Variants in SEPTIN11 observed in about 807,000 individuals in gnomAD.
The protein encoded by SEPTIN11 is septin-11.
Under a neutral mutation model 51.4 loss-of-function variants are expected in SEPTIN11, and 25 were observed. The observed-to-expected ratio is 0.49, with a 90% CI of 0.35 to 0.68. The LOEUF is 0.68. Ranked by LOEUF, SEPTIN11 falls within the 30% of genes least tolerant of loss-of-function variation. The pLI is 0.00. For synonymous variants in SEPTIN11, 174 were observed against 184.1 expected, an observed-to-expected ratio of 0.95 and a Z score of 0.44; for missense variants, 381 against 520.8, an observed-to-expected ratio of 0.73 and a Z score of 2.61.
chr4:77,033,142 A>C (rs1726783005), intron 9 of SEPTIN11, among the ~76,000 whole-genome samples: 1 of 150,504 alleles, frequency 6.6e-6, no homozygotes, highest in South Asian at 2.1e-4. Context: ...CTGCCAGTGG[A>C]GGCCTGAAAT....
At position 77,038,291 on chromosome 4, in the gene SEPTIN11, C is replaced by T. The variant is rs751697853; in HGVS notation, c.*3779C>T. On this transcript the variant is annotated 3_prime_UTR_variant, in exon 10 of 10. Transcript: ENST00000264893. ...TTAATTTTAAAATATGCTGATATGC[C>T]TTAAACTGTAGTTGTAGATCCTTGT... is the stretch of plus-strand genomic sequence containing the variant. 4.6e-5 allele frequency: 45 copies of T among 985,396 alleles called. No individual in the cohort carries two copies. The highest frequency in any genetic ancestry group is 5.2e-5 in the Non-Finnish European group (43 of 829,634). 61.0% of individuals were successfully genotyped at this position (985,396 alleles called of 1,614,324 possible).
At chr4:76,959,694 T>A (rs58596754) in intron 1 of SEPTIN11, among the ~76,000 whole-genome samples, 33,269 of 151,772 alleles carry the variant, frequency 0.22, 3,754 homozygotes, top group East Asian at 0.34. Context: ...AAAACTCTTT[T>A]GAAAAAAAAT....
chr4:76,978,279 G>A (rs1050072758), intron 1 of SEPTIN11, among the ~76,000 whole-genome samples: 8 of 152,006 alleles, frequency 5.3e-5, no homozygotes, highest in Non-Finnish European at 7.4e-5. Context: ...CCCACTTCCC[G>A]TAGCTCCCAC....
At position 77,036,702 on chromosome 4, in the gene SEPTIN11, C is replaced by T; in HGVS notation, c.*2190C>T. On this transcript the variant is annotated 3_prime_UTR_variant, in exon 10 of 10. Coordinates refer to ENST00000264893, the MANE Select transcript of SEPTIN11 (RefSeq NM_018243.4). ...CTGAACTTTTTTCTGCCACTGCTCC[C>T]TAGCCCTGTTTAGTTTGTTATTGCT... 1 of 1,535,250 alleles carries T rather than the reference C, an allele frequency of 6.5e-7. No individual in the cohort carries two copies. The highest frequency in any genetic ancestry group is 8.7e-7 in the Non-Finnish European group (1 of 1,146,630).
chr4:76,992,522 G>T (rs959440344), intron 1 of SEPTIN11, among the ~76,000 whole-genome samples: 28 of 152,236 alleles, frequency 1.8e-4, no homozygotes, highest in African/African-American at 6.7e-4. Context: ...TTACTAAACG[G>T]TGCCTCTGTT....
chr4:77,008,044 A>G (rs544939560), intron 3 of SEPTIN11, among the ~76,000 whole-genome samples: 1 of 152,318 alleles, frequency 6.6e-6, no homozygotes, highest in South Asian at 2.1e-4. Flanking sequence ...TGGACATGTC[A>G]ACATTCCTGT....
At chr4:77,012,832 C>A (rs181640708) in intron 4 of SEPTIN11, among the ~76,000 whole-genome samples, 1 of 152,342 alleles carries the variant, frequency 6.6e-6, no homozygotes, top group African/African-American at 2.4e-5. Context: ...CCTTTGGCTT[C>A]CAGCAGGCAC....
chr4:77,013,248 T>C (rs1725000086), intron 4 of SEPTIN11, among the ~76,000 whole-genome samples: 1 of 152,162 alleles, frequency 6.6e-6, no homozygotes, highest in Non-Finnish European at 1.5e-5. Flanking sequence ...CAGTCAACCA[T>C]AAAGCAGGTT....
chr4:77,007,816 C>G (rs1199074669), intron 3 of SEPTIN11, among the ~76,000 whole-genome samples: 1 of 152,184 alleles, frequency 6.6e-6, no homozygotes, highest in Non-Finnish European at 1.5e-5. Context: ...GACTGTAAAG[C>G]CAAATTACTT....
At chr4:77,010,166 A>G (rs1205126428) in intron 3 of SEPTIN11, among the ~76,000 whole-genome samples, 1 of 152,050 alleles carries the variant, frequency 6.6e-6, no homozygotes, top group African/African-American at 2.4e-5. Flanking sequence ...TAGAACTACT[A>G]TTTTTGTCTC....
Position 77,036,126 on chromosome 4 carries a change from A to T in SEPTIN11, c.*1614A>T. 9.1e-6 allele frequency: 9 copies of T among 986,852 alleles called. No individual in the cohort carries two copies. Among genetic ancestry groups the T allele is most frequent in the Non-Finnish European group, 1.1e-5 (9 of 830,696 alleles). The allele number at this position is 986,852 out of a possible 1,614,324, so 61.1% of individuals were successfully genotyped here. On this transcript the variant is annotated 3_prime_UTR_variant, in exon 10 of 10. Coordinates refer to ENST00000264893, the MANE Select transcript of SEPTIN11 (RefSeq NM_018243.4). ...TAGAGGAAAGAAGGAATGGTCTTCC[A>T]TGAACTGATTATGCTTAATTAAGCA...
chr4:76,983,035 A>G (rs997123245), intron 1 of SEPTIN11, among the ~76,000 whole-genome samples: 35 of 152,122 alleles, frequency 2.3e-4, no homozygotes, highest in African/African-American at 7.5e-4. Context: ...GGATGTTGAA[A>G]TAATGTATAC....
chr4:77,001,000 A>T (rs988818273), intron 2 of SEPTIN11, among the ~76,000 whole-genome samples: 1 of 152,196 alleles, frequency 6.6e-6, no homozygotes, highest in African/African-American at 2.4e-5. Flanking sequence ...TGAATCACAG[A>T]TCAACAATTT....
intron 9 of SEPTIN11, among the ~76,000 whole-genome samples, chr4:77,032,576 GTGTT>G (rs1213328155): frequency 6.6e-6 from 1 of 152,136 alleles, no homozygotes; most frequent in Admixed American, 6.5e-5. Flanking sequence ...CTGTGTGTGT[GTGTT>G]TGTGTGTGTG....
chr4:76,969,340 C>T (rs1223685767), intron 1 of SEPTIN11, among the ~76,000 whole-genome samples: 5 of 152,138 alleles, frequency 3.3e-5, no homozygotes. Flanking sequence ...CTTTAGACCT[C>T]TTCTTCTGCT....
chr4:76,950,114 G>T lies in SEPTIN11; in HGVS notation c.27+184G>T, dbSNP rs1721261223. ...TCGGGGTTAGGAGCCCAGGGGCTCA[G>T]TTACGTGATGCAACAGTGGATCGCC... is the stretch of plus-strand genomic sequence containing the variant. On this transcript the variant is annotated intron_variant, in intron 1 of 9. Transcript: ENST00000264893. Among the ~76,000 whole-genome samples the T allele has an allele frequency of 2.0e-5, 3 of 152,204 alleles. No individual in the cohort carries two copies. The South Asian group carries it at 6.2e-4, about 31-fold the overall frequency.
intron 9 of SEPTIN11, 69 bp from the exon 10 acceptor site, chr4:77,034,427 GC>G: frequency 7.7e-7 from 1 of 1,305,316 alleles, no homozygotes; most frequent in Non-Finnish European, 1.0e-6. Context: ...TGGTGCTGTC[GC>G]TCCTAATTTT....
intron 1 of SEPTIN11, among the ~76,000 whole-genome samples, chr4:76,956,962 A>ATGTGTG (rs202035045): frequency 0.068 from 8,061 of 119,018 alleles, 375 homozygotes; most frequent in East Asian, 0.12. Context: ...TAGTAGAATG[A>ATGTGTG]TGTGTGTGTG....
intron 1 of SEPTIN11, among the ~76,000 whole-genome samples, chr4:76,989,696 AACTGCACTTTT>A (rs1723249047): frequency 6.6e-6 from 1 of 152,232 alleles, no homozygotes; most frequent in Non-Finnish European, 1.5e-5. Context: ...AAGATTATAA[AACTGCACTTTT>A]ACTGTACCAT....
Sources: allele counts gnomAD v4.1 joint callset (sites outside exome capture counted in the v4.1 genomes callset), GRCh38; gene constraint gnomAD v4.1.1; transcripts MANE v1.5; gene names NCBI Gene and HGNC (gene_info 2026-07-23, HGNC 2026-07-21).